Variants in NFIC observed in about 807,000 individuals in gnomAD.
NFIC encodes nuclear factor I C.
NFIC carries 12 observed loss-of-function variants against 54.4 expected under a neutral mutation model. That is an observed-to-expected ratio of 0.22 (90% CI 0.14 to 0.36). The LOEUF (loss-of-function observed/expected upper bound fraction) is 0.36. Among genes scored for constraint, NFIC ranks in the 10% least tolerant of loss-of-function variants. NFIC has a pLI of 1.00. For missense variants in NFIC, 575 were observed against 718.2 expected, an observed-to-expected ratio of 0.80 and a Z score of 2.28; for synonymous variants, 322 against 319.2, an observed-to-expected ratio of 1.01 and a Z score of -0.09.
At chr19:3,427,135 C>G (rs1029543753) in intron 3 of NFIC, among the ~76,000 whole-genome samples, 3 of 151,988 alleles carry the variant, frequency 2.0e-5, no homozygotes, top group Non-Finnish European at 4.4e-5. Flanking sequence ...ACCGTGGTAG[C>G]CAGGATGGTC....
At chr19:3,435,335 G>A in intron 6 of NFIC, 128 bp downstream of exon 6, 1 of 1,305,626 alleles carries the variant, frequency 7.7e-7, no homozygotes, top group Non-Finnish European at 1.0e-6. Context: ...GGGGCCTCCT[G>A]GGAATTGTAG....
In NFIC at chr19:3,464,524, C is replaced by CCGGGG; in HGVS notation, c.*1755_*1756insCGGGG. On this transcript the variant is annotated 3_prime_UTR_variant, in exon 11 of 11. Transcript: ENST00000443272. ...GAGCTCAAACACAAGGACCCCTCCC[C>CCGGGG]GGCCCACCCAGCCCAGCCCCAACTG... 13 of 910,434 alleles carry CCGGGG rather than the reference C, an allele frequency of 1.4e-5. No individual in the cohort carries two copies. The highest frequency in any genetic ancestry group is 5.1e-5 in the South Asian group (1 of 19,640). The allele number at this position is 910,434 out of a possible 1,614,324, so 56.4% of individuals were successfully genotyped here.
At chr19:3,380,309 CTTTTTTT>C (rs529220524) in intron 1 of NFIC, among the ~76,000 whole-genome samples, 5 of 65,148 alleles carry the variant, frequency 7.7e-5, no homozygotes, top group Non-Finnish European at 1.0e-4. Context: ...CAGCCTTGTT[CTTTTTTT>C]TTTTTTTTTT....
intron 2 of NFIC, among the ~76,000 whole-genome samples, chr19:3,394,200 C>T (rs1034497887): frequency 1.3e-5 from 2 of 151,996 alleles, no homozygotes; most frequent in South Asian, 2.1e-4. Flanking sequence ...GTCTATTGGT[C>T]GGGTGCAGTG....
chr19:3,375,902 C>A lies in NFIC; in HGVS notation c.31-5810C>A, dbSNP rs190024557. On this transcript the variant is annotated intron_variant, in intron 1 of 10. Transcript: ENST00000443272. The surrounding 1 kb of genome is among the most constrained non-coding windows in gnomAD (Gnocchi z 4.6). The stretch of plus-strand genomic sequence containing the variant: ...ACACACAGTGGGAGTCCAGGGTCAA[C>A]GTCTCCCTACCTTCCTGAGACCCCA... Among the ~76,000 whole-genome samples the A allele has an allele frequency of 6.6e-6, 1 of 152,144 alleles. No individual in the cohort carries two copies. The highest frequency in any genetic ancestry group is 2.4e-5 in the African/African-American group (1 of 41,428).
chr19:3,431,023 TC>T (rs1401770437), intron 3 of NFIC, among the ~76,000 whole-genome samples: 1 of 151,998 alleles, frequency 6.6e-6, no homozygotes, highest in Non-Finnish European at 1.5e-5. Flanking sequence ...CTGAATGATG[TC>T]CTCAAGGTGC....
In NFIC at chr19:3,464,772, T is replaced by C; in HGVS notation, c.*2003T>C. The C allele has an allele frequency of 1.1e-6, 1 of 936,902 alleles. No homozygotes were observed. Among genetic ancestry groups the C allele is most frequent in the South Asian group, 4.9e-5 (1 of 20,320 alleles). The allele number at this position is 936,902 out of a possible 1,614,324, so 58.0% of individuals were successfully genotyped here. On this transcript the variant is annotated 3_prime_UTR_variant, in exon 11 of 11. Coordinates refer to ENST00000443272, the MANE Select transcript of NFIC (RefSeq NM_001245002.2). ...CATCACCCCCAAGAGAGGTTCGCCA[T>C]CCTCTGGCCTCGAGCCCTTGGTCCC...
rs539103330 is a variant in NFIC at position 3,453,126 on chromosome 19, C to A, written c.1269+460C>A. On this transcript the variant is annotated intron_variant, in intron 8 of 10. Transcript: ENST00000443272. The surrounding 1 kb of genome is among the most constrained non-coding windows in gnomAD (Gnocchi z 6.7). ...TGGTGGCGGGCGCCTGTAGTCCCAG[C>A]TACTCAGGAGGCTGAGGTGGGAGGA... Among the ~76,000 whole-genome samples, 21 of 152,320 alleles carry A rather than the reference C, an allele frequency of 1.4e-4. 1 individual carries two copies. The South Asian group carries it at 4.3e-3, about 32-fold the overall frequency.
At chr19:3,440,789 G>A (rs955190017) in intron 6 of NFIC, among the ~76,000 whole-genome samples, 6 of 152,150 alleles carry the variant, frequency 3.9e-5, no homozygotes, top group Admixed American at 3.9e-4. Flanking sequence ...CCAAAGTGCT[G>A]GGATTACAGG....
At position 3,429,838 on chromosome 19, in the gene NFIC, G is replaced by C. The variant is rs191681084; in HGVS notation, c.635-3680G>C. Among the ~76,000 whole-genome samples the C allele has an allele frequency of 2.0e-4, 31 of 152,340 alleles. No individual in the cohort carries two copies. In the East Asian group the frequency reaches 6.0e-3, roughly 29 times the overall value. On this transcript the variant is annotated intron_variant, in intron 3 of 10. Coordinates refer to ENST00000443272, the MANE Select transcript of NFIC (RefSeq NM_001245002.2). ...CTACCCGGAGGCCTTTGCACGGGCT[G>C]TTCCCAGTGCCGGGAACATCGTGGC...
In NFIC at chr19:3,465,211, C is replaced by T. The variant is rs1386621720; in HGVS notation, c.*2442C>T. ...AACCTTTAAAAAAATTCCATGTTTC[C>T]TAATTTGCACGAAATTTTCTACCAC... On this transcript the variant is annotated 3_prime_UTR_variant, in exon 11 of 11. Transcript: ENST00000443272. 1 of 140,680 alleles carries T rather than the reference C, an allele frequency of 7.1e-6. No individual in the cohort carries two copies. The highest frequency in any genetic ancestry group is 2.2e-4 in the East Asian group (1 of 4,504). The allele number at this position is 140,680 out of a possible 1,614,324, so 8.7% of individuals were successfully genotyped here.
intron 2 of NFIC, among the ~76,000 whole-genome samples, chr19:3,407,814 G>A (rs936641627): frequency 6.6e-6 from 1 of 152,160 alleles, no homozygotes; most frequent in Non-Finnish European, 1.5e-5. Flanking sequence ...GGGCTGGGGA[G>A]GGTGTTCCAG....
At chr19:3,404,453 G>A (rs952807833) in intron 2 of NFIC, among the ~76,000 whole-genome samples, 16 of 152,176 alleles carry the variant, frequency 1.1e-4, no homozygotes, top group Admixed American at 9.2e-4. Flanking sequence ...GTGGCCGTGC[G>A]CGGGTGGGCG....
At chr19:3,408,157 C>T (rs1044383695) in intron 2 of NFIC, among the ~76,000 whole-genome samples, 27 of 151,988 alleles carry the variant, frequency 1.8e-4, no homozygotes, top group Admixed American at 9.8e-4. Context: ...CGGTGGCGGC[C>T]GATGCTGGAA....
intron 1 of NFIC, among the ~76,000 whole-genome samples, 178 bp downstream of exon 1, chr19:3,366,844 AC>A (rs34678235): frequency 9.5e-4 from 141 of 147,922 alleles, no homozygotes; most frequent in African/African-American, 2.8e-3. Context: ...AGGCTGGGGT[AC>A]CCCCCCCACA....
intron 2 of NFIC, among the ~76,000 whole-genome samples, chr19:3,404,068 G>T (rs765538254): frequency 2.6e-5 from 4 of 151,452 alleles, no homozygotes; most frequent in Admixed American, 6.6e-5. Flanking sequence ...TCTCCATGGG[G>T]ACGCGTGCGT....
chr19:3,373,711 G>A (rs765558364), intron 1 of NFIC, among the ~76,000 whole-genome samples: 6 of 144,248 alleles, frequency 4.2e-5, no homozygotes, highest in South Asian at 2.1e-4. Context: ...CCAACTTGAC[G>A]TTTTATTACA....
rs756756775 is a variant in NFIC, at chr19:3,385,573, G to GTTGT, written c.562+3332_562+3333insGTTT. On this transcript the variant is annotated intron_variant, in intron 2 of 10. Transcript: ENST00000443272. ...TTTGGGGGTTTTTTTGGTTGTTGTT[G>GTTGT]TTTTTTTTTTTTTTTTTGAGACAGA... Among the ~76,000 whole-genome samples the GTTGT allele has an allele frequency of 2.7e-5, 3 of 109,248 alleles. No homozygotes were observed. The East Asian group carries it at 7.0e-4, about 26-fold the overall frequency. 71.7% of individuals were successfully genotyped at this position (109,248 alleles called of 152,430 possible).
chr19:3,462,644 TG>T, intron 10 of NFIC, 107 bp from the exon 11 acceptor site: 7 of 1,256,406 alleles, frequency 5.6e-6, no homozygotes, highest in Non-Finnish European at 6.9e-6. Flanking sequence ...TTGCAGGAGG[TG>T]GGGGGTGAGC....
Sources: gnomAD v4.1 joint callset for allele counts (sites outside exome capture counted in the v4.1 genomes callset) on GRCh38, gnomAD v4.1.1 for gene constraint, Gnocchi (gnomAD v3.1) non-coding constraint, MANE v1.5 for transcripts, NCBI Gene and HGNC (gene_info 2026-07-23, HGNC 2026-07-21) for gene names.